The following DHTKD1 variants were observed in gnomAD, a reference collection of about 807,000 sequenced individuals.
The protein encoded by DHTKD1 is dehydrogenase E1 and transketolase domain containing 1.
Under a neutral mutation model 101.8 loss-of-function variants are expected in DHTKD1, and 78 were observed. The ratio of observed to expected loss-of-function variants is 0.77; its 90% CI spans 0.64 to 0.93. DHTKD1 has a LOEUF of 0.93. DHTKD1 is among the 40% of genes least tolerant of loss of function. The pLI, the probability that DHTKD1 is intolerant of heterozygous loss-of-function variation, is 0.00. For missense variants in DHTKD1, 1,223 were observed against 1,161.7 expected (o/e 1.05, Z -0.77); for synonymous variants, 462 against 450.3 (o/e 1.03, Z -0.33).
At chr10:12,095,539 C>T (rs971176745) in intron 7 of DHTKD1, among the ~76,000 whole-genome samples, 4 of 151,942 alleles carry the variant, frequency 2.6e-5, no homozygotes, top group African/African-American at 9.7e-5. Flanking sequence ...TTTGGCCAGG[C>T]GCGGTGGCTC....
rs560630558 is a variant in DHTKD1, at chr10:12,087,299, G to T, written c.523-236G>T. The stretch of plus-strand genomic sequence containing the variant: ...CACATTCTAAGGGGGTTTCCTTGGG[G>T]TGAGTTATTCTGCCGCTCAGGTTAT... On this transcript the variant is annotated intron_variant, in intron 3 of 16. Transcript: ENST00000263035. This position sits in a 1 kb window ranked among gnomAD's most constrained non-coding sequence, Gnocchi z 5.2. 6.6e-6 allele frequency among the ~76,000 whole-genome samples: 1 copy of T among 152,212 alleles called. No homozygotes were observed. The highest frequency in any genetic ancestry group is 2.4e-5 in the African/African-American group (1 of 41,542).
At position 12,080,256 on chromosome 10, in the gene DHTKD1, C is replaced by T. The variant is rs370347580; in HGVS notation, c.155-1216C>T. 1.9e-4 allele frequency among the ~76,000 whole-genome samples: 28 copies of T among 144,738 alleles called. No individual in the cohort carries two copies. In the South Asian group the frequency reaches 3.9e-3, roughly 20 times the overall value. 95.0% of individuals were successfully genotyped at this position (144,738 alleles called of 152,430 possible). ...TGGAGCTTGCAGTGAGCCAGGATCA[C>T]GCCACTGCACTCCAGGCTGGGCAAC... On this transcript the variant is annotated intron_variant, in intron 1 of 16. Coordinates refer to ENST00000263035, the MANE Select transcript of DHTKD1 (RefSeq NM_018706.7).
Position 12,122,259 on chromosome 10 carries a change from C to T in DHTKD1, c.*1371C>T, listed in dbSNP as rs549384973. 6.6e-6 allele frequency: 1 copy of T among 152,270 alleles called. No homozygotes were observed. Among genetic ancestry groups the T allele is most frequent in the Non-Finnish European group, 1.5e-5 (1 of 68,026 alleles). The allele number at this position is 152,270 out of a possible 1,614,324, so 9.4% of individuals were successfully genotyped here. A position where few individuals can be genotyped will look rare whatever the true frequency, so the allele number is the denominator to read the frequency against. Reference sequence around the variant, plus strand: ...GGGGTTTCTGATATGGGGATTTCAGCCCCTGGTTAATCAGTCTTGTCCCTA... The same window carrying T: ...GGGGTTTCTGATATGGGGATTTCAGTCCCTGGTTAATCAGTCTTGTCCCTA... On this transcript the variant is annotated 3_prime_UTR_variant, in exon 17 of 17. Coordinates refer to ENST00000263035, the MANE Select transcript of DHTKD1 (RefSeq NM_018706.7).
chr10:12,091,611 G>A lies in DHTKD1; in HGVS notation c.1086G>A (p.Leu362=), dbSNP rs1832991167. 6.2e-7 allele frequency: 1 copy of A among 1,613,768 alleles called. No homozygotes were observed. Among genetic ancestry groups the A allele is most frequent in the East Asian group, 2.2e-5 (1 of 44,860 alleles). ...PHFRIGGSVH[L]IVNNQLGYTT... is the part of the protein sequence containing the mutation. ...TCAGAATTGGTGGGAGTGTGCATTT[G>A]ATTGTTAATAACCAGCTGGGTTACA... Residue 362 remains leucine, a synonymous_variant, in exon 6 of 17, where the codon TTG becomes TTA. Coordinates refer to ENST00000263035, the MANE Select transcript of DHTKD1 (RefSeq NM_018706.7).
intron 7 of DHTKD1, among the ~76,000 whole-genome samples, chr10:12,096,275 G>A (rs1206022361): frequency 6.6e-6 from 1 of 152,154 alleles, no homozygotes; most frequent in African/African-American, 2.4e-5. Context: ...TTTTATGAGC[G>A]TTTCTGATCC....
intron 12 of DHTKD1, among the ~76,000 whole-genome samples, chr10:12,109,735 G>A (rs1206764297): frequency 6.6e-6 from 1 of 151,884 alleles, no homozygotes; most frequent in African/African-American, 2.4e-5. Context: ...AGGCCGAGGT[G>A]GGAGGATCAC....
chr10:12,112,935 C>T lies in DHTKD1; in HGVS notation c.2190C>T (p.Asp730=). The T allele has an allele frequency of 6.2e-7, 1 of 1,612,300 alleles. No homozygotes were observed. The highest frequency in any genetic ancestry group is 8.5e-7 in the Non-Finnish European group (1 of 1,179,306). ...CDSAEEGVDG[D]TVNMFVVHPT... is the part of the protein sequence containing the mutation. ...GTGCGGAAGAGGGGGTGGACGGAGA[C>T]ACTGTGAACATGTTTGTGGTTCACC... The change falls in exon 13 of 17, where the codon GAC becomes GAT. Residue 730 remains aspartate, a synonymous_variant. Transcript: ENST00000263035.
At position 12,068,980 on chromosome 10, in the gene DHTKD1, G is replaced by A; in HGVS notation, c.-54G>A. ...ACGAGTCCCGGATTTACCAGGGCCG[G>A]TGGGATCCCCTCGGGCTCCCGCCTT... On this transcript the variant is annotated 5_prime_UTR_variant, in exon 1 of 17. The change creates a new upstream start codon in the 5' untranslated region. Transcript: ENST00000263035. 3.1e-6 allele frequency: 5 copies of A among 1,604,526 alleles called. No homozygotes were observed. The highest frequency in any genetic ancestry group is 1.7e-5 in the Admixed American group (1 of 59,508).
chr10:12,108,064 G>A (rs751380400), intron 12 of DHTKD1, 49 bp downstream of exon 12: 1 of 1,424,658 alleles, frequency 7.0e-7, no homozygotes, highest in South Asian at 1.2e-5. Context: ...CTGCTTCCTA[G>A]AGCTTTTCTA....
In DHTKD1 at chr10:12,089,142, G is replaced by A; in HGVS notation, c.874G>A (p.Ala292Thr). The part of the protein sequence containing the change: ...TMLPNPSHLE[A>T]VNPVAVGKTR... ...GTTGCCCAATCCCTCGCACCTGGAG[G>A]CCGTCAACCCCGTGGCCGTGGGCAA... The change falls in exon 5 of 17, where the codon GCC (alanine) becomes ACC (threonine). Residue 292 changes from alanine (A) to threonine (T), a missense_variant. Physicochemically the swap from Ala to Thr is moderately conservative, Grantham distance 58. Coordinates refer to ENST00000263035, the MANE Select transcript of DHTKD1 (RefSeq NM_018706.7). The A allele has an allele frequency of 6.2e-7, 1 of 1,614,134 alleles. No individual in the cohort carries two copies. Among genetic ancestry groups the A allele is most frequent in the Non-Finnish European group, 8.5e-7 (1 of 1,180,034 alleles).
intron 13 of DHTKD1, among the ~76,000 whole-genome samples, chr10:12,115,252 A>G (rs1295429789): frequency 2.0e-4 from 30 of 151,972 alleles, no homozygotes. Flanking sequence ...TTGTACCACC[A>G]TGCTCAGCTA....
chr10:12,118,048 C>G (rs1001001602), intron 14 of DHTKD1, among the ~76,000 whole-genome samples: 1 of 151,756 alleles, frequency 6.6e-6, no homozygotes, highest in Non-Finnish European at 1.5e-5. Context: ...CGCCACCACA[C>G]CCTGCTAATT....
At chr10:12,119,479 G>A (rs575672370) in intron 15 of DHTKD1, among the ~76,000 whole-genome samples, 163 of 151,238 alleles carry the variant, frequency 1.1e-3, no homozygotes, top group Non-Finnish European at 1.8e-3. Flanking sequence ...AGCCGGGCGT[G>A]GTGGCGGGCG....
At chr10:12,106,215 T>G in intron 10 of DHTKD1, 31 bp from the exon 11 acceptor site, 1 of 1,613,508 alleles carries the variant, frequency 6.2e-7, no homozygotes, top group Non-Finnish European at 8.5e-7. Flanking sequence ...GGCCCTCACA[T>G]GCAGCGTTTC....
intron 10 of DHTKD1, among the ~76,000 whole-genome samples, chr10:12,102,067 A>G (rs72779642): frequency 0.079 from 11,964 of 152,214 alleles, 607 homozygotes; most frequent in Non-Finnish European, 0.12. Context: ...GTGGCATGTC[A>G]TCTTCTTTCC....
At position 12,107,947 on chromosome 10, in the gene DHTKD1, C is replaced by T; in HGVS notation, c.2086C>T (p.Leu696Phe). 1 of 1,614,030 alleles carries T rather than the reference C, an allele frequency of 6.2e-7. No homozygotes were observed. The highest frequency in any genetic ancestry group is 1.3e-5 in the African/African-American group (1 of 75,044). ...KWLLQSGIVILLPHGYDGAGP... is the reference protein window; with the variant it reads ...KWLLQSGIVIFLPHGYDGAGP... ...GCTCCTACAAAGCGGCATCGTCATC[C>T]TCCTTCCACATGGCTACGATGGGGC... is the stretch of plus-strand genomic sequence containing the variant. The change falls in exon 12 of 17, where the codon CTC becomes TTC. Residue 696 changes from leucine (L) to phenylalanine (F), a missense_variant. Coordinates refer to ENST00000263035, the MANE Select transcript of DHTKD1 (RefSeq NM_018706.7). This position sits in a 1 kb window ranked among gnomAD's most constrained non-coding sequence, Gnocchi z 4.1.
Position 12,117,707 on chromosome 10 carries a change from G to A in DHTKD1, c.2354G>A (p.Gly785Glu), listed in dbSNP as rs1564399506. The A allele has an allele frequency of 6.2e-7, 1 of 1,608,010 alleles. No homozygotes were observed. The highest frequency in any genetic ancestry group is 8.5e-7 in the Non-Finnish European group (1 of 1,176,722). ...AVSTLQEMAP[G>E]TTFNPVIGDS... ...TCAACTCTTCAAGAAATGGCACCAGGAACAACATTTAACCCGGTCATTGGT... is the reference window on the plus strand; with the variant it reads ...TCAACTCTTCAAGAAATGGCACCAGAAACAACATTTAACCCGGTCATTGGT... The change falls in exon 14 of 17, where the codon GGA (glycine) becomes GAA (glutamate). Residue 785 changes from glycine (G) to glutamate (E), a missense_variant. Gly to Glu is a moderately conservative substitution (Grantham distance 98). Transcript: ENST00000263035.
In DHTKD1 at chr10:12,084,617, A is replaced by T. The variant is rs1459106324; in HGVS notation, c.388A>T (p.Ile130Phe). ...TCTCAATCAAATCTACTGTGGGCAG[A>T]TTTCTATTGAAACCTCCCAACTTCA... ...VYLNQIYCGQ[I>F]SIETSQLQSQ... is the part of the protein sequence containing the mutation. Residue 130 changes from isoleucine to phenylalanine, a missense_variant, in exon 3 of 17, where the codon ATT (isoleucine) becomes TTT (phenylalanine). Physicochemically the swap from Ile to Phe is conservative, Grantham distance 21 (BLOSUM62 0). Transcript: ENST00000263035. The T allele has an allele frequency of 6.2e-7, 1 of 1,613,736 alleles. No homozygotes were observed. The highest frequency in any genetic ancestry group is 1.7e-5 in the Admixed American group (1 of 60,010).
At chr10:12,097,240 G>A (rs1250195380) in intron 7 of DHTKD1, among the ~76,000 whole-genome samples, 1 of 151,800 alleles carries the variant, frequency 6.6e-6, no homozygotes, top group Non-Finnish European at 1.5e-5. Context: ...TTTCCTGAAT[G>A]CCTTTTTATT....
Sources: allele counts gnomAD v4.1 joint callset (sites outside exome capture counted in the v4.1 genomes callset), GRCh38; gene constraint gnomAD v4.1.1; non-coding constraint Gnocchi (gnomAD v3.1); transcripts MANE v1.5; gene names NCBI Gene and HGNC (gene_info 2026-07-23, HGNC 2026-07-21).